Variants in PKP2 observed in about 807,000 individuals in gnomAD.
PKP2 encodes the protein plakophilin-2.
In PKP2, 73 loss-of-function variants were observed where a neutral mutation model predicts 83.4. That is an observed-to-expected ratio of 0.88 (90% CI 0.72 to 1.06). The LOEUF (loss-of-function observed/expected upper bound fraction) is 1.06. PKP2 is among the 50% of genes least tolerant of loss of function. The pLI is 0.00. For synonymous variants in PKP2, 409 were observed against 430.4 expected, an observed-to-expected ratio of 0.95 and a Z score of 0.62; for missense variants, 966 against 1,065.4, an observed-to-expected ratio of 0.91 and a Z score of 1.30.
At chr12:32,881,194 A>G (rs980169322) in intron 1 of PKP2, among the ~76,000 whole-genome samples, 1 of 152,188 alleles carries the variant, frequency 6.6e-6, no homozygotes, top group African/African-American at 2.4e-5. Context: ...CTATAGCCAA[A>G]CAATCTGCCT....
chr12:32,830,643 A>G (rs1414877999), intron 6 of PKP2, among the ~76,000 whole-genome samples: 1 of 152,170 alleles, frequency 6.6e-6, no homozygotes, highest in Non-Finnish European at 1.5e-5. Context: ...ACGGTGGCTC[A>G]TGCCTGTAAT....
intron 1 of PKP2, among the ~76,000 whole-genome samples, chr12:32,879,682 T>A (rs1179775773): frequency 6.6e-6 from 1 of 151,572 alleles, no homozygotes; most frequent in African/African-American, 2.4e-5. Flanking sequence ...TACAAAAAAT[T>A]AGCTGTGCGT....
intron 1 of PKP2, among the ~76,000 whole-genome samples, chr12:32,883,655 G>A (rs929124419): frequency 3.3e-5 from 5 of 152,086 alleles, no homozygotes; most frequent in Non-Finnish European, 7.4e-5. Context: ...TGTTTATTTC[G>A]AAAAAGAAGT....
chr12:32,862,307 TA>T (rs1300632787), intron 4 of PKP2, among the ~76,000 whole-genome samples: 1 of 152,188 alleles, frequency 6.6e-6, no homozygotes, highest in East Asian at 1.9e-4. Flanking sequence ...GAAGCTGAAA[TA>T]ATGCAGGTTT....
At chr12:32,853,236 C>A (rs911094007) in intron 4 of PKP2, among the ~76,000 whole-genome samples, 1 of 152,078 alleles carries the variant, frequency 6.6e-6, no homozygotes, top group Non-Finnish European at 1.5e-5. Context: ...TAACATAATG[C>A]TCCAAGGGAG....
At chr12:32,846,543 G>A (rs532234149) in intron 5 of PKP2, among the ~76,000 whole-genome samples, 2 of 152,120 alleles carry the variant, frequency 1.3e-5, no homozygotes, top group South Asian at 2.1e-4. Flanking sequence ...TCGGGAGTTC[G>A]AGACCAGCCT....
intron 6 of PKP2, among the ~76,000 whole-genome samples, chr12:32,837,384 A>C (rs1226450046): frequency 6.6e-6 from 1 of 152,240 alleles, no homozygotes; most frequent in Non-Finnish European, 1.5e-5. Flanking sequence ...CTATAAAATG[A>C]GGAAAACCTA....
Position 32,873,785 on chromosome 12 carries a change from C to T in PKP2, c.1034+4061G>A, listed in dbSNP as rs539422041. The stretch of plus-strand genomic sequence containing the variant: ...CCTCAAGTGATCCGCCCACCTCGGC[C>T]TCGTAAAGTGCTGGGATTACAGGCG... On this transcript the variant is annotated intron_variant, in intron 3 of 12. Coordinates refer to ENST00000340811, the MANE Select transcript of PKP2 (RefSeq NM_001005242.3). Among the ~76,000 whole-genome samples the T allele has an allele frequency of 1.6e-3, 247 of 152,262 alleles. 3 individuals carry two copies. The highest frequency in any genetic ancestry group is 5.6e-3 in the African/African-American group (232 of 41,552).
At chr12:32,823,452 A>G (rs1956403038) in intron 7 of PKP2, among the ~76,000 whole-genome samples, 1 of 151,854 alleles carries the variant, frequency 6.6e-6, no homozygotes, top group Non-Finnish European at 1.5e-5. Flanking sequence ...GGATTATAAA[A>G]AGAAGGAACA....
rs1956060405 is a variant in PKP2 at position 32,790,997 on chromosome 12, A to G, written c.*1427T>C. On this transcript the variant is annotated 3_prime_UTR_variant, in exon 13 of 13. Coordinates refer to ENST00000340811, the MANE Select transcript of PKP2 (RefSeq NM_001005242.3). Reference sequence around the variant, plus strand: ...TTTAAAATTGAAAAAAAATTGCTTCAAATATAATAAAGACTTAAGTACACA... The same window carrying G: ...TTTAAAATTGAAAAAAAATTGCTTCGAATATAATAAAGACTTAAGTACACA... 1 of 152,216 alleles carries G rather than the reference A, an allele frequency of 6.6e-6. No homozygotes were observed. Among genetic ancestry groups the G allele is most frequent in the African/African-American group, 2.4e-5 (1 of 41,462 alleles). The allele number at this position is 152,216 out of a possible 1,614,324, so 9.4% of individuals were successfully genotyped here. A position where few individuals can be genotyped will look rare whatever the true frequency, so the allele number is the denominator to read the frequency against.
At chr12:32,795,610 A>G (rs1391927414) in intron 11 of PKP2, among the ~76,000 whole-genome samples, 1 of 151,954 alleles carries the variant, frequency 6.6e-6, no homozygotes, top group Non-Finnish European at 1.5e-5. Context: ...CGAACTTCTG[A>G]CCTCAAGTGA....
intron 4 of PKP2, among the ~76,000 whole-genome samples, chr12:32,864,365 A>G (rs1454924092): frequency 2.0e-5 from 3 of 149,642 alleles, no homozygotes; most frequent in Non-Finnish European, 4.4e-5. Flanking sequence ...TATATTATAT[A>G]TATATTATCT....
chr12:32,850,238 T>A (rs962980947), intron 5 of PKP2, among the ~76,000 whole-genome samples: 2 of 152,128 alleles, frequency 1.3e-5, no homozygotes, highest in African/African-American at 4.8e-5. Context: ...CCGCAGAACA[T>A]TTTCCCCTTT....
At chr12:32,885,082 T>A in intron 1 of PKP2, among the ~76,000 whole-genome samples, 1 of 152,206 alleles carries the variant, frequency 6.6e-6, no homozygotes, top group East Asian at 1.9e-4. Context: ...AGAGCAACTT[T>A]AAACTCCACT....
At chr12:32,870,721 T>G (rs17543896) in intron 3 of PKP2, among the ~76,000 whole-genome samples, 30,936 of 152,020 alleles carry the variant, frequency 0.2, 3,150 homozygotes, top group Middle Eastern at 0.25. Flanking sequence ...GCCATCACGG[T>G]TGTTTTAACT....
chr12:32,860,812 G>C (rs532793066), intron 4 of PKP2, among the ~76,000 whole-genome samples: 2 of 152,192 alleles, frequency 1.3e-5, no homozygotes, highest in South Asian at 2.1e-4. Flanking sequence ...GACAGATCAC[G>C]AGGTCAGGAG....
intron 4 of PKP2, among the ~76,000 whole-genome samples, chr12:32,860,260 A>G (rs922727924): frequency 1.3e-5 from 2 of 152,218 alleles, no homozygotes; most frequent in African/African-American, 4.8e-5. Context: ...GAACAGAAAC[A>G]GAACTCCTGA....
chr12:32,865,400 G>A (rs1743971872), intron 4 of PKP2, among the ~76,000 whole-genome samples: 1 of 148,800 alleles, frequency 6.7e-6, no homozygotes, highest in South Asian at 2.1e-4. Context: ...AAAAAAATCG[G>A]CTGGGTGCAG....
chr12:32,877,836 G>A lies in PKP2; in HGVS notation c.1034+10C>T, dbSNP rs759397762. 9.1e-5 allele frequency: 145 copies of A among 1,594,326 alleles called. 2 individuals are homozygous for A. The South Asian group carries it at 1.5e-3, about 16-fold the overall frequency. ...CAATGACTGAACTGCAGAGTCAGGA[G>A]GGGACTTACCCCAGCTGGGAGTCAG... On this transcript the variant is annotated intron_variant, in intron 3 of 12. Transcript: ENST00000340811.
Sources: gnomAD v4.1 joint callset for allele counts (sites outside exome capture counted in the v4.1 genomes callset) on GRCh38, gnomAD v4.1.1 for gene constraint, MANE v1.5 for transcripts, NCBI Gene and HGNC (gene_info 2026-07-23, HGNC 2026-07-21) for gene names.